The following ASH1L variants were observed in gnomAD, a reference collection of about 807,000 sequenced individuals.
ASH1L encodes the protein ASH1 like histone lysine methyltransferase.
In ASH1L, 23 loss-of-function variants were observed where a neutral mutation model predicts 269.0. That is an observed-to-expected ratio of 0.09 (90% CI 0.06 to 0.12). The LOEUF (loss-of-function observed/expected upper bound fraction) is 0.12. Ranked by LOEUF, ASH1L falls within the 10% of genes least tolerant of loss-of-function variation. The pLI is 1.00. For missense variants in ASH1L, 2,912 were observed against 3,567.8 expected, an observed-to-expected ratio of 0.82 and a Z score of 4.68; for synonymous variants, 1,187 against 1,253.5, an observed-to-expected ratio of 0.95 and a Z score of 1.12.
chr1:155,444,035 G>A (rs1467446591), intron 4 of ASH1L, among the ~76,000 whole-genome samples: 1 of 145,188 alleles, frequency 6.9e-6, no homozygotes, highest in Non-Finnish European at 1.5e-5. Flanking sequence ...TCAGGCTGGA[G>A]GGCAGTGGCG....
intron 27 of ASH1L, 149 bp from the exon 28 acceptor site, chr1:155,337,900 T>C: frequency 9.8e-7 from 1 of 1,020,300 alleles, no homozygotes; most frequent in Non-Finnish European, 1.4e-6. Context: ...GTGAAAAAGG[T>C]GGTTCTTTAG....
intron 5 of ASH1L, among the ~76,000 whole-genome samples, chr1:155,421,255 T>C (rs1455413739): frequency 1.4e-5 from 2 of 143,734 alleles, no homozygotes; most frequent in African/African-American, 2.6e-5. Context: ...AAAAAAAAAG[T>C]TGGTGATTGC....
chr1:155,510,115 C>A (rs1424794845), intron 2 of ASH1L, among the ~76,000 whole-genome samples: 1 of 151,784 alleles, frequency 6.6e-6, no homozygotes, highest in East Asian at 1.9e-4. Flanking sequence ...AAATAACAAA[C>A]TGGAAAAAGA....
In ASH1L at chr1:155,481,572, T is replaced by G. The variant is rs778627419; in HGVS notation, c.1298A>C (p.Gln433Pro). The G allele has an allele frequency of 6.2e-7, 1 of 1,614,198 alleles. No individual in the cohort carries two copies. The highest frequency in any genetic ancestry group is 2.2e-5 in the East Asian group (1 of 44,890). Reference sequence around the variant, plus strand: ...ACTACAAGAAGCCTTAAGCGGTTCCTGAGTGGGGAGCAGTGCTTCGGCTTT... The same window carrying G: ...ACTACAAGAAGCCTTAAGCGGTTCCGGAGTGGGGAGCAGTGCTTCGGCTTT... ...NLKAEALLPT[Q>P]EPLKASCSTN... The change falls in exon 3 of 28, where the codon CAG becomes CCG. Residue 433 changes from glutamine to proline, a missense_variant. Coordinates refer to ENST00000392403, the MANE Select transcript of ASH1L (RefSeq NM_018489.3).
intron 1 of ASH1L, among the ~76,000 whole-genome samples, chr1:155,527,073 T>C (rs978683226): frequency 6.6e-6 from 1 of 152,136 alleles, no homozygotes; most frequent in Non-Finnish European, 1.5e-5. Context: ...CCAGGTGTGG[T>C]GGCGCATGCC....
intron 1 of ASH1L, among the ~76,000 whole-genome samples, chr1:155,531,651 A>G (rs1669685319): frequency 6.6e-6 from 1 of 152,154 alleles, no homozygotes; most frequent in Admixed American, 6.6e-5. Flanking sequence ...TTCCCCCCCT[A>G]AAAATGTATA....
At chr1:155,418,144 C>T (rs1158301299) in intron 5 of ASH1L, among the ~76,000 whole-genome samples, 2 of 151,954 alleles carry the variant, frequency 1.3e-5, no homozygotes, top group Admixed American at 6.6e-5. Context: ...CCTACATATG[C>T]CAAAATGCAG....
intron 26 of ASH1L, among the ~76,000 whole-genome samples, chr1:155,338,924 G>A (rs1652536431): frequency 1.3e-5 from 2 of 152,082 alleles, no homozygotes; most frequent in Admixed American, 1.3e-4. Context: ...TAATCCTCAC[G>A]TACAAAATAA....
chr1:155,434,374 G>C (rs1661900940), intron 5 of ASH1L: 11 of 1,472,200 alleles, frequency 7.5e-6, no homozygotes, highest in Non-Finnish European at 9.2e-6. Flanking sequence ...ACTAAGGAAG[G>C]AATTGGGAAC....
At chr1:155,382,975 G>A (rs2148451925) in intron 7 of ASH1L, among the ~76,000 whole-genome samples, 1 of 152,212 alleles carries the variant, frequency 6.6e-6, no homozygotes, top group South Asian at 2.1e-4. Context: ...TGCCTGCCCT[G>A]GCCTCCCAAA....
In ASH1L at chr1:155,555,427, G is replaced by A. The variant is rs1357023486; in HGVS notation, c.-100+6726C>T. On this transcript the variant is annotated intron_variant, in intron 1 of 27. Transcript: ENST00000392403. Reference sequence around the variant, plus strand: ...CAGGAGAATCACTTGAACCCAGGAGGCAGAGGTTGCAGTGAGCCGAGATTG... The same window carrying A: ...CAGGAGAATCACTTGAACCCAGGAGACAGAGGTTGCAGTGAGCCGAGATTG... Among the ~76,000 whole-genome samples, 4 of 149,840 alleles carry A rather than the reference G, an allele frequency of 2.7e-5. No individual in the cohort carries two copies. The East Asian group carries it at 7.8e-4, about 29-fold the overall frequency.
At chr1:155,344,871 G>A (rs766696877) in intron 21 of ASH1L, among the ~76,000 whole-genome samples, 65 of 152,154 alleles carry the variant, frequency 4.3e-4, no homozygotes, top group Non-Finnish European at 6.6e-4. Flanking sequence ...TTAAACCACT[G>A]TCTAACATAA....
At chr1:155,435,489 G>A (rs774563088) in intron 5 of ASH1L, among the ~76,000 whole-genome samples, 1 of 152,144 alleles carries the variant, frequency 6.6e-6, no homozygotes, top group Admixed American at 6.6e-5. Context: ...GAGCAAGTGA[G>A]AGCATGTGAA....
chr1:155,389,493 T>C (rs983837829), intron 7 of ASH1L, among the ~76,000 whole-genome samples: 1 of 151,660 alleles, frequency 6.6e-6, no homozygotes, highest in Non-Finnish European at 1.5e-5. Context: ...GGCAACATGG[T>C]GAAACCCCGT....
rs373541909 is a variant in ASH1L at position 155,480,763 on chromosome 1, T to C, written c.2107A>G (p.Ser703Gly). 1.7e-5 allele frequency: 28 copies of C among 1,613,952 alleles called. No individual in the cohort carries two copies. Among genetic ancestry groups the C allele is most frequent in the South Asian group, 2.2e-5 (2 of 91,082 alleles). Residue 703 changes from serine to glycine, a missense_variant, in exon 3 of 28, where the codon AGT (serine) becomes GGT (glycine). This residue lies in a region of ASH1L where 715 missense variants were observed against 721.0 expected (regional missense o/e 0.99). Transcript: ENST00000392403. ...HCQVAESLST[S>G]LQSKPLKKRK... ...TTTTTTAATGGTTTGGACTGCAAAC[T>C]AGTACTTAGGCTTTCAGCAACTTGG...
chr1:155,520,244 CA>C (rs1668783877), intron 2 of ASH1L: 1 of 150,034 alleles, frequency 6.7e-6, no homozygotes, highest in South Asian at 2.1e-4. Flanking sequence ...CCCAGCTACT[CA>C]GGGGGCTGAG....
chr1:155,371,661 T>G (rs535345330), intron 10 of ASH1L, among the ~76,000 whole-genome samples: 1 of 151,636 alleles, frequency 6.6e-6, no homozygotes, highest in South Asian at 2.1e-4. Flanking sequence ...ATTTACTGAT[T>G]TAAAAAAAAA....
chr1:155,384,557 G>A (rs1657255469), intron 7 of ASH1L, among the ~76,000 whole-genome samples: 2 of 151,916 alleles, frequency 1.3e-5, no homozygotes, highest in South Asian at 2.1e-4. Context: ...TGCCAACCAT[G>A]CCTGGCTAAT....
chr1:155,459,717 TC>T, intron 4 of ASH1L, 79 bp downstream of exon 4: 3 of 1,129,296 alleles, frequency 2.7e-6, no homozygotes, highest in Non-Finnish European at 3.9e-6. Flanking sequence ...CATTATTTTT[TC>T]TACAATATTG....
Sources: allele counts gnomAD v4.1 joint callset (sites outside exome capture counted in the v4.1 genomes callset), GRCh38; gene constraint gnomAD v4.1.1; regional missense constraint gnomAD v4.1.1; transcripts MANE v1.5; gene names NCBI Gene and HGNC (gene_info 2026-07-23, HGNC 2026-07-21).